IAH1: variants seen among roughly 807,000 people sequenced by gnomAD.
The protein encoded by IAH1 is isoamyl acetate hydrolyzing esterase 1 (putative), also known as isoamyl acetate-hydrolyzing esterase 1 homolog.
IAH1 carries 24 observed loss-of-function variants against 26.7 expected under a neutral mutation model. The observed-to-expected ratio is 0.90, with a 90% CI of 0.65 to 1.26. The LOEUF (loss-of-function observed/expected upper bound fraction) is 1.26, where lower values mean the gene tolerates loss of function less well. Ranked by LOEUF, IAH1 falls within the 50% of genes most tolerant of loss-of-function variation. IAH1 has a pLI of 0.00. For synonymous variants in IAH1, 140 were observed against 118.5 expected (o/e 1.18, Z -1.18); for missense variants, 300 against 299.9 (o/e 1.00, Z 0.00).
intron 3 of IAH1, among the ~76,000 whole-genome samples, chr2:9,478,892 C>G (rs1178870547): frequency 6.6e-6 from 1 of 152,192 alleles, no homozygotes; most frequent in East Asian, 1.9e-4. Context: ...CCTTTCTTCC[C>G]CTTCTACTCT....
At chr2:9,493,138 C>G (rs1444532675), downstream of IAH1, 1 of 613,174 alleles carries the variant, frequency 1.6e-6, no homozygotes, top group Non-Finnish European at 2.8e-6. Context: ...TGTATTACAC[C>G]ACACCATCTC....
upstream of IAH1, among the ~76,000 whole-genome samples, chr2:9,474,092 T>G (rs1053126866): frequency 1.3e-5 from 2 of 151,498 alleles, no homozygotes; most frequent in Non-Finnish European, 2.9e-5. This position sits in a 1 kb window ranked among gnomAD's most constrained non-coding sequence, Gnocchi z 4.3. Context: ...ACTGCCAGGG[T>G]TTCCGCAGTG....
chr2:9,490,094 A>C, downstream of IAH1: 1 of 1,314,548 alleles, frequency 7.6e-7, no homozygotes. Context: ...CCCAGTCTTC[A>C]CAAAATACAA....
At position 9,495,722 on chromosome 2, in the gene IAH1, AAAG is replaced by A. The variant is rs1355300574; in HGVS notation, c.*223-590_*223-588del. Reference sequence around the variant, plus strand: ...GTGAGACTCCATCTCAAAAAAAAAAAAAGAAAACCTTTTCATCATTCACTAATT... The same window carrying A: ...GTGAGACTCCATCTCAAAAAAAAAAAAAAACCTTTTCATCATTCACTAATT... On this transcript the variant is annotated intron_variant, in intron 6 of 6. Coordinates refer to the IAH1 transcript ENST00000481367. 2.1e-3 allele frequency among the ~76,000 whole-genome samples: 321 copies of A among 151,770 alleles called. 2 individuals are homozygous for A. The highest frequency in any genetic ancestry group is 7.2e-3 in the African/African-American group (296 of 41,300).
chr2:9,497,329 A>T (rs1017224020), downstream of IAH1: 1 of 1,557,522 alleles, frequency 6.4e-7, no homozygotes, highest in African/African-American at 1.4e-5. Flanking sequence ...GCTGTTTCTC[A>T]TACAAGTGAG....
In IAH1 at chr2:9,474,983, C is replaced by T. The variant is rs1406715611; in HGVS notation, c.81+336C>T. On this transcript the variant is annotated intron_variant, in intron 1 of 5. Transcript: ENST00000497473. The surrounding 1 kb of genome is among the most constrained non-coding windows in gnomAD (Gnocchi z 4.3). Reference sequence around the variant, plus strand: ...GCCCTCCTGGGCAGCGGCCTTTCCCCTCCGGGTCCGGGTTAGCGGCCGCGG... The same window carrying T: ...GCCCTCCTGGGCAGCGGCCTTTCCCTTCCGGGTCCGGGTTAGCGGCCGCGG... 4 of 1,101,054 alleles carry T rather than the reference C, an allele frequency of 3.6e-6. No individual in the cohort carries two copies. Among genetic ancestry groups the T allele is most frequent in the Middle Eastern group, 4.3e-4 (1 of 2,350 alleles). The allele number at this position is 1,101,054 out of a possible 1,614,324, so 68.2% of individuals were successfully genotyped here.
chr2:9,476,760 G>T (rs1660819789), intron 2 of IAH1, among the ~76,000 whole-genome samples: 1 of 152,168 alleles, frequency 6.6e-6, no homozygotes, highest in Non-Finnish European at 1.5e-5. Context: ...GTTAGGGTGG[G>T]GCAGGAACAA....
downstream of IAH1, chr2:9,490,538 A>G (rs1558490166): frequency 6.3e-7 from 1 of 1,597,980 alleles, no homozygotes; most frequent in East Asian, 2.2e-5. Context: ...CATGGGTTCA[A>G]TTGATTGATA....
At chr2:9,484,781 A>G in intron 5 of IAH1, 2 of 487,066 alleles carry the variant, frequency 4.1e-6, no homozygotes, top group South Asian at 5.3e-5. Context: ...GTGCGCAGTG[A>G]CATCAATGAG....
chr2:9,497,286 C>G, downstream of IAH1: 1 of 1,611,354 alleles, frequency 6.2e-7, no homozygotes, highest in Non-Finnish European at 8.5e-7. Context: ...AAGAATGAGT[C>G]ACAGGTCCAC....
intron 4 of IAH1, 105 bp from the exon 5 acceptor site, chr2:9,484,327 A>G (rs891560424): frequency 7.7e-6 from 7 of 909,400 alleles, no homozygotes; most frequent in Admixed American, 1.8e-5. Context: ...AGTGGGGTCA[A>G]TATTTAATGG....
At chr2:9,491,831 A>G (rs1395659892), downstream of IAH1, among the ~76,000 whole-genome samples, 1 of 152,196 alleles carries the variant, frequency 6.6e-6, no homozygotes, top group African/African-American at 2.4e-5. Flanking sequence ...CCTCCCTCCT[A>G]TCGGAGGCTT....
chr2:9,477,803 C>T (rs1032691372), intron 2 of IAH1, among the ~76,000 whole-genome samples: 1 of 152,128 alleles, frequency 6.6e-6, no homozygotes, highest in Non-Finnish European at 1.5e-5. Context: ...AACCAGAAAT[C>T]TCAAATATTC....
In IAH1 at chr2:9,488,702, T is replaced by C. The variant is rs984923192; in HGVS notation, c.*373T>C. 3.8e-5 allele frequency: 6 copies of C among 158,668 alleles called. No individual in the cohort carries two copies. The highest frequency in any genetic ancestry group is 1.4e-4 in the African/African-American group (6 of 41,680). 9.8% of individuals were successfully genotyped at this position (158,668 alleles called of 1,614,324 possible). A position where few individuals can be genotyped will look rare whatever the true frequency, so the allele number is the denominator to read the frequency against. Reference sequence around the variant, plus strand: ...TTGTATCAAATTCCAAAAGTGTAACTAAAGTATAAGAATATCATGACTAGT... The same window carrying C: ...TTGTATCAAATTCCAAAAGTGTAACCAAAGTATAAGAATATCATGACTAGT... On this transcript the variant is annotated 3_prime_UTR_variant, in exon 6 of 6. Coordinates refer to ENST00000497473, the MANE Select transcript of IAH1 (RefSeq NM_001039613.3).
At chr2:9,497,268 A>ATAAC, downstream of IAH1, 1 of 1,613,554 alleles carries the variant, frequency 6.2e-7, no homozygotes, top group Non-Finnish European at 8.5e-7. Context: ...AACACCAGTC[A>ATAAC]TAACAAAAAG....
chr2:9,485,009 ACT>A (rs1661393393), intron 5 of IAH1: 1 of 157,970 alleles, frequency 6.3e-6, no homozygotes, highest in African/African-American at 2.4e-5. Context: ...GGAATGGTGC[ACT>A]GACTCAGGAG....
rs186820447 is a variant in IAH1 at position 9,475,267 on chromosome 2, T to C, written c.81+620T>C. On this transcript the variant is annotated intron_variant, in intron 1 of 5. Coordinates refer to ENST00000497473, the MANE Select transcript of IAH1 (RefSeq NM_001039613.3). ...AAATTCCATTCCTGTGTGTGTCCTC[T>C]TCTCAGACAGGACTTGCTTCACCAG... 1.7e-5 allele frequency: 20 copies of C among 1,176,264 alleles called. No homozygotes were observed. The African/African-American group carries it at 2.8e-4, about 17-fold the overall frequency. The allele number at this position is 1,176,264 out of a possible 1,614,324, so 72.9% of individuals were successfully genotyped here. A position where few individuals can be genotyped will look rare whatever the true frequency, so the allele number is the denominator to read the frequency against.
At chr2:9,511,641 G>C in the IAH1 span, among the ~76,000 whole-genome samples, 4 of 152,004 alleles carry the variant, frequency 2.6e-5, no homozygotes, top group South Asian at 2.1e-4. Flanking sequence ...TGCCAATAAA[G>C]CTAAAATTTT....
chr2:9,487,977 G>A (rs142648763), intron 5 of IAH1, among the ~76,000 whole-genome samples, 170 bp from the exon 6 acceptor site: 13 of 152,182 alleles, frequency 8.5e-5, no homozygotes, highest in African/African-American at 3.1e-4. Context: ...GGGAATACAG[G>A]TGTTTGCCAC....
Sources: gnomAD v4.1 joint callset for allele counts (sites outside exome capture counted in the v4.1 genomes callset) on GRCh38, gnomAD v4.1.1 for gene constraint, Gnocchi (gnomAD v3.1) non-coding constraint, MANE v1.5 for transcripts, NCBI Gene and HGNC (gene_info 2026-07-23, HGNC 2026-07-21) for gene names.